UBXN7: variants seen among roughly 807,000 people sequenced by gnomAD.
The protein encoded by UBXN7 is UBX domain-containing protein 7.
UBXN7 carries 9 observed loss-of-function variants against 58.0 expected under a neutral mutation model. That is an observed-to-expected ratio of 0.16 (90% confidence interval 0.09 to 0.27). The LOEUF (loss-of-function observed/expected upper bound fraction) is 0.27. Ranked by LOEUF, UBXN7 falls within the 10% of genes least tolerant of loss-of-function variation. The probability of loss-of-function intolerance (pLI) is 1.00; values close to 1 mark genes in which losing one functional copy is unlikely to be tolerated. For synonymous variants in UBXN7, 208 were observed against 205.0 expected, an observed-to-expected ratio of 1.01 and a Z score of -0.12; for missense variants, 328 against 599.6, an observed-to-expected ratio of 0.55 and a Z score of 4.73.
intron 3 of UBXN7, chr3:196,400,723 G>A (rs1299115907): frequency 2.6e-6 from 1 of 377,960 alleles, no homozygotes; most frequent in Non-Finnish European, 5.1e-6. Flanking sequence ...CTGGGCAACA[G>A]ACTCCATTTC....
At chr3:196,402,206 A>G (rs1035463641) in intron 3 of UBXN7, among the ~76,000 whole-genome samples, 4 of 152,080 alleles carry the variant, frequency 2.6e-5, no homozygotes, top group African/African-American at 9.7e-5. Context: ...CTTTTAGTAG[A>G]GATGGGATTT....
intron 5 of UBXN7, among the ~76,000 whole-genome samples, chr3:196,374,831 C>A (rs1358906111): frequency 8.2e-6 from 1 of 122,204 alleles, no homozygotes; most frequent in Non-Finnish European, 1.7e-5. Context: ...GAGCCAAGAT[C>A]GTGCCATTGC....
intron 5 of UBXN7, among the ~76,000 whole-genome samples, chr3:196,385,628 G>C (rs960313260): frequency 1.4e-4 from 21 of 151,980 alleles, no homozygotes; most frequent in African/African-American, 5.1e-4. Context: ...ACCCACTCTG[G>C]GAGGTGAGGA....
chr3:196,357,919 G>C (rs1728394904), intron 10 of UBXN7, among the ~76,000 whole-genome samples: 1 of 151,788 alleles, frequency 6.6e-6, no homozygotes. Flanking sequence ...TGTAGTCCCA[G>C]CTACCGGGAA....
At chr3:196,365,605 G>C (rs1728642324) in intron 8 of UBXN7, among the ~76,000 whole-genome samples, 1 of 152,076 alleles carries the variant, frequency 6.6e-6, no homozygotes, top group Non-Finnish European at 1.5e-5. Context: ...CCTCTGGCCA[G>C]ACAGTCGGGG....
chr3:196,411,783 C>T (rs1730336145), intron 1 of UBXN7, among the ~76,000 whole-genome samples: 1 of 152,040 alleles, frequency 6.6e-6, no homozygotes, highest in Admixed American at 6.5e-5. Flanking sequence ...GCACTCCAGC[C>T]TGGGGCACAA....
intron 3 of UBXN7, among the ~76,000 whole-genome samples, chr3:196,393,973 G>C (rs1729664584): frequency 6.6e-6 from 1 of 152,114 alleles, no homozygotes; most frequent in Non-Finnish European, 1.5e-5. Context: ...AGTTACAATA[G>C]ACTTAATCAA....
chr3:196,417,185 C>G (rs377088700), intron 1 of UBXN7, among the ~76,000 whole-genome samples: 1 of 152,028 alleles, frequency 6.6e-6, no homozygotes. Flanking sequence ...TGGTGGCGGG[C>G]GCTTGTAGTC....
chr3:196,390,540 G>A (rs539383889), intron 5 of UBXN7, among the ~76,000 whole-genome samples: 1 of 152,192 alleles, frequency 6.6e-6, no homozygotes, highest in South Asian at 2.1e-4. Flanking sequence ...AGGAGTTTGA[G>A]ACCAGCCTGG....
chr3:196,367,280 A>G (rs1238480087), intron 8 of UBXN7, among the ~76,000 whole-genome samples: 1 of 152,140 alleles, frequency 6.6e-6, no homozygotes, highest in African/African-American at 2.4e-5. Context: ...AGATTGCTGT[A>G]TCTTTGCAAG....
intron 5 of UBXN7, among the ~76,000 whole-genome samples, chr3:196,373,701 A>G (rs896499923): frequency 6.6e-6 from 1 of 151,168 alleles, no homozygotes; most frequent in African/African-American, 2.5e-5. Flanking sequence ...AATCCCCCAG[A>G]ATAAATTATT....
chr3:196,426,500 G>C (rs1395566747), intron 1 of UBXN7, among the ~76,000 whole-genome samples: 1 of 151,642 alleles, frequency 6.6e-6, no homozygotes, highest in South Asian at 2.1e-4. Flanking sequence ...CAGACACAGA[G>C]AACTTAATCA....
intron 8 of UBXN7, among the ~76,000 whole-genome samples, chr3:196,362,897 GTTGTTTTGTT>G (rs766609343): frequency 1.3e-5 from 2 of 151,760 alleles, no homozygotes; most frequent in East Asian, 1.9e-4. Flanking sequence ...ACACGTTTTT[GTTGTTTTGTT>G]TTGTTTTGTT....
intron 3 of UBXN7, among the ~76,000 whole-genome samples, chr3:196,401,278 T>TAA (rs1560235320): frequency 1.1e-4 from 3 of 26,662 alleles, no homozygotes; most frequent in East Asian, 1.4e-3. Flanking sequence ...AAAAAAAATA[T>TAA]ATATATATAT....
rs749981900 is a variant in UBXN7 at position 196,417,724 on chromosome 3, TAAAAAAAAAAA to T, written c.74-10342_74-10332del. 4.1e-4 allele frequency among the ~76,000 whole-genome samples: 13 copies of T among 31,658 alleles called. 1 individual carries two copies. Among genetic ancestry groups the T allele is most frequent in the Non-Finnish European group, 5.6e-4 (10 of 17,732 alleles). 20.8% of individuals were successfully genotyped at this position (31,658 alleles called of 152,430 possible). A position where few individuals can be genotyped will look rare whatever the true frequency, so the allele number is the denominator to read the frequency against. On this transcript the variant is annotated intron_variant, in intron 1 of 10. Coordinates refer to ENST00000296328, the MANE Select transcript of UBXN7 (RefSeq NM_015562.2). The stretch of plus-strand genomic sequence containing the variant: ...TTGAGACCAGTCTGGGCAAAATGGT[TAAAAAAAAAAA>T]AAAAAAAAAAAAAAAAAAAAAACCA...
chr3:196,365,774 C>G (rs1728646971), intron 8 of UBXN7, among the ~76,000 whole-genome samples: 1 of 151,750 alleles, frequency 6.6e-6, no homozygotes, highest in Admixed American at 6.6e-5. Context: ...AAAGCTTATC[C>G]AAGAAGAAAC....
chr3:196,372,673 C>T, intron 5 of UBXN7, among the ~76,000 whole-genome samples: 1 of 151,878 alleles, frequency 6.6e-6, no homozygotes, highest in East Asian at 1.9e-4. Context: ...GTTTAAACAT[C>T]TTTACCTGAA....
At chr3:196,418,063 C>G (rs937292962) in intron 1 of UBXN7, among the ~76,000 whole-genome samples, 1 of 151,840 alleles carries the variant, frequency 6.6e-6, no homozygotes, top group African/African-American at 2.4e-5. Context: ...ACATGTGAAA[C>G]CCTGTCTCTA....
At chr3:196,421,083 C>T (rs2108624518) in intron 1 of UBXN7, among the ~76,000 whole-genome samples, 1 of 152,298 alleles carries the variant, frequency 6.6e-6, no homozygotes, top group Non-Finnish European at 1.5e-5. Context: ...TAACCTCAGT[C>T]TCTAATCCTG....
Sources: allele counts gnomAD v4.1 joint callset (sites outside exome capture counted in the v4.1 genomes callset), GRCh38; gene constraint gnomAD v4.1.1; transcripts MANE v1.5; gene names NCBI Gene and HGNC (gene_info 2026-07-23, HGNC 2026-07-21).